Variants in SEMA6A observed in about 807,000 individuals in gnomAD.
The protein encoded by SEMA6A is semaphorin 6A, also known as semaphorin-6A.
A neutral mutation model predicts 96.8 loss-of-function variants in SEMA6A; 25 were observed. The observed-to-expected ratio is 0.26, with a 90% CI of 0.19 to 0.36. SEMA6A has a LOEUF of 0.36. Among genes scored for constraint, SEMA6A ranks in the 10% least tolerant of loss-of-function variants. The probability of loss-of-function intolerance (pLI) is 1.00; values close to 1 mark genes in which losing one functional copy is unlikely to be tolerated. For synonymous variants in SEMA6A, 612 were observed against 518.0 expected (o/e 1.18, Z -2.46); for missense variants, 1,363 against 1,323.1 (o/e 1.03, Z -0.47).
chr5:116,500,467 G>T (rs1757822481), intron 3 of SEMA6A, among the ~76,000 whole-genome samples: 1 of 152,178 alleles, frequency 6.6e-6, no homozygotes, highest in African/African-American at 2.4e-5. Flanking sequence ...CTATGTTTGT[G>T]AATTGTATGT....
intron 18 of SEMA6A, among the ~76,000 whole-genome samples, chr5:116,450,133 C>A (rs942687982): frequency 6.6e-6 from 1 of 152,130 alleles, no homozygotes; most frequent in Admixed American, 6.5e-5. Flanking sequence ...CGTTTTTAAC[C>A]CCCTACATAT....
chr5:116,521,279 G>A (rs1044577513), intron 1 of SEMA6A, among the ~76,000 whole-genome samples: 26 of 152,184 alleles, frequency 1.7e-4, no homozygotes, highest in Admixed American at 1.3e-4. Context: ...TTGTTACTAA[G>A]GCTCGATTGC....
intron 1 of SEMA6A, among the ~76,000 whole-genome samples, chr5:116,540,111 T>A (rs191578176): frequency 6.6e-6 from 1 of 152,338 alleles, no homozygotes; most frequent in African/African-American, 2.4e-5. Context: ...TGTAAAAGAT[T>A]GATCTTTATA....
In SEMA6A at chr5:116,533,921, C is replaced by T. The variant is rs899003654; in HGVS notation, c.-38-28939G>A. 3.9e-5 allele frequency among the ~76,000 whole-genome samples: 6 copies of T among 152,170 alleles called. No homozygotes were observed. In the East Asian group the frequency reaches 1.2e-3, roughly 29 times the overall value. ...TCCAGCCTCCACAAGGCAGCCATCT[C>T]TATGCCCTTTCTCTGGTAGTTTCAT... On this transcript the variant is annotated intron_variant, in intron 1 of 18. Coordinates refer to ENST00000343348, the MANE Select transcript of SEMA6A (RefSeq NM_020796.5).
chr5:116,495,126 A>T (rs527254151), intron 6 of SEMA6A, among the ~76,000 whole-genome samples: 1 of 152,234 alleles, frequency 6.6e-6, no homozygotes, highest in Non-Finnish European at 1.5e-5. Context: ...GGAAATCCAC[A>T]TGGTGTACGT....
chr5:116,529,480 T>C (rs978378858), intron 1 of SEMA6A, among the ~76,000 whole-genome samples: 1 of 152,158 alleles, frequency 6.6e-6, no homozygotes, highest in Admixed American at 6.6e-5. Flanking sequence ...TTACACGTTG[T>C]ATACATGTAT....
In SEMA6A at chr5:116,544,285, TTTTG is replaced by T. The variant is rs200220993; in HGVS notation, c.-39+29896_-39+29899del. Among the ~76,000 whole-genome samples the T allele has an allele frequency of 5.8e-3, 887 of 151,924 alleles. 10 individuals are homozygous for T. Among genetic ancestry groups the T allele is most frequent in the African/African-American group, 0.02 (809 of 41,434 alleles). On this transcript the variant is annotated intron_variant, in intron 1 of 18. Coordinates refer to ENST00000343348, the MANE Select transcript of SEMA6A (RefSeq NM_020796.5). ...CCATCTGCCACACAGGATTGAGGTT[TTTTG>T]TTTGTTTGTTTGTTTTGGAGACATG...
Position 116,477,750 on chromosome 5 carries a change from C to A in SEMA6A, c.1649+96G>T, listed in dbSNP as rs116244025. On this transcript the variant is annotated intron_variant, in intron 15 of 18. Coordinates refer to ENST00000343348, the MANE Select transcript of SEMA6A (RefSeq NM_020796.5). ...CCGTTGCTGGAGTTTGCACAGAAAGCTGTGTGGTGGTGTGTGTGAGCAGAG... is the reference window on the plus strand; with the variant it reads ...CCGTTGCTGGAGTTTGCACAGAAAGATGTGTGGTGGTGTGTGTGAGCAGAG... The A allele has an allele frequency of 5.7e-6, 7 of 1,221,214 alleles. No individual in the cohort carries two copies. In the African/African-American group the frequency reaches 7.4e-5, roughly 13 times the overall value. 75.6% of individuals were successfully genotyped at this position (1,221,214 alleles called of 1,614,324 possible).
intron 12 of SEMA6A, 82 bp downstream of exon 12, chr5:116,480,040 T>G: frequency 6.6e-7 from 1 of 1,512,340 alleles, no homozygotes; most frequent in South Asian, 1.2e-5. Context: ...TTGTGGCATT[T>G]CAAAGCATGA....
intron 1 of SEMA6A, among the ~76,000 whole-genome samples, chr5:116,528,626 A>C (rs527755082): frequency 6.6e-6 from 1 of 152,334 alleles, no homozygotes; most frequent in South Asian, 2.1e-4. Flanking sequence ...TCTGAAAAGC[A>C]GGCAGAAGCT....
intron 1 of SEMA6A, among the ~76,000 whole-genome samples, chr5:116,542,812 G>A (rs567289137): frequency 3.9e-5 from 6 of 152,252 alleles, no homozygotes; most frequent in South Asian, 4.1e-4. Flanking sequence ...TGAGGGCAGC[G>A]GCTGTCTTCT....
At chr5:116,532,293 AC>A (rs1759519176) in intron 1 of SEMA6A, among the ~76,000 whole-genome samples, 1 of 152,196 alleles carries the variant, frequency 6.6e-6, no homozygotes, top group South Asian at 2.1e-4. Flanking sequence ...GAAAGAAGCA[AC>A]TGGGGGCCTT....
At position 116,446,676 on chromosome 5, in the gene SEMA6A, T is replaced by C. The variant is rs1194360142; in HGVS notation, c.3030A>G (p.Val1010=). 1.9e-6 allele frequency: 3 copies of C among 1,556,444 alleles called. No individual in the cohort carries two copies. Among genetic ancestry groups the C allele is most frequent in the Non-Finnish European group, 2.6e-6 (3 of 1,149,628 alleles). The change falls in exon 19 of 19, where the codon GTA becomes GTG. Residue 1010 remains valine (V), a synonymous_variant. Transcript: ENST00000343348. ...LKRTPSLKPD[V]PPKPSFAPLS... ...GGGGAGCAAAGGATGGTTTGGGGGG[T>C]ACGTCCGGCTTTAGCGAGGGCGTAC...
chr5:116,475,784 G>A (rs1336260244), intron 15 of SEMA6A, among the ~76,000 whole-genome samples, 181 bp from the exon 16 acceptor site: 1 of 152,162 alleles, frequency 6.6e-6, no homozygotes, highest in Non-Finnish European at 1.5e-5. Flanking sequence ...AGTCTTAGGT[G>A]ACTCTCCAAA....
intron 5 of SEMA6A, 58 bp downstream of exon 5, chr5:116,496,193 A>T: frequency 7.2e-7 from 1 of 1,382,166 alleles, no homozygotes; most frequent in Non-Finnish European, 1.0e-6. Flanking sequence ...ATGGCTGGAG[A>T]TAACAGTCAA....
intron 16 of SEMA6A, among the ~76,000 whole-genome samples, chr5:116,474,274 G>A (rs1006484174): frequency 1.2e-4 from 13 of 110,248 alleles, no homozygotes; most frequent in Middle Eastern, 4.7e-3. Flanking sequence ...AAGCGTGCAC[G>A]CATGCACACA....
At chr5:116,478,469 A>C in intron 13 of SEMA6A, 73 bp downstream of exon 13, 2 of 1,420,254 alleles carry the variant, frequency 1.4e-6, no homozygotes, top group Non-Finnish European at 1.9e-6. Flanking sequence ...GTCGGTCATG[A>C]TTTTCTCTGA....
intron 1 of SEMA6A, among the ~76,000 whole-genome samples, chr5:116,565,420 T>C (rs1760984976): frequency 6.6e-6 from 1 of 152,146 alleles, no homozygotes; most frequent in South Asian, 2.1e-4. Context: ...CCTCCATGAT[T>C]AACAGATGAA....
In SEMA6A at chr5:116,475,558, C is replaced by T; in HGVS notation, c.1695G>A (p.Leu565=). ...QDIERGNTDG[L]GDCHNSFVAL... ...GACTGTACTTACTGTGACAGTCCCCCAGACCATCTGTATTGCCACGCTCTA... is the reference window on the plus strand; with the variant it reads ...GACTGTACTTACTGTGACAGTCCCCTAGACCATCTGTATTGCCACGCTCTA... Residue 565 remains leucine, a synonymous_variant, in exon 16 of 19, where the codon CTG becomes CTA. Transcript: ENST00000343348. The T allele has an allele frequency of 6.2e-7, 1 of 1,602,840 alleles. No homozygotes were observed. The highest frequency in any genetic ancestry group is 8.5e-7 in the Non-Finnish European group (1 of 1,174,458).
Sources: gnomAD v4.1 joint callset for allele counts (sites outside exome capture counted in the v4.1 genomes callset) on GRCh38, gnomAD v4.1.1 for gene constraint, MANE v1.5 for transcripts, NCBI Gene and HGNC (gene_info 2026-07-23, HGNC 2026-07-21) for gene names.